The following NEGR1 variants were observed in gnomAD, a reference collection of about 807,000 sequenced individuals.
NEGR1 encodes the protein neuronal growth regulator 1, also known as IgLON family member 4.
A neutral mutation model predicts 40.9 loss-of-function variants in NEGR1; 10 were observed. The ratio of observed to expected loss-of-function variants is 0.24; its 90% CI spans 0.15 to 0.42. The LOEUF is 0.42. Among genes scored for constraint, NEGR1 ranks in the 10% least tolerant of loss-of-function variants. The pLI, the probability that NEGR1 is intolerant of heterozygous loss-of-function variation, is 1.00. For missense variants in NEGR1, 352 were observed against 438.9 expected, an observed-to-expected ratio of 0.80 and a Z score of 1.77; for synonymous variants, 185 against 166.8, an observed-to-expected ratio of 1.11 and a Z score of -0.84.
intron 6 of NEGR1, among the ~76,000 whole-genome samples, chr1:71,448,380 A>G (rs545193222): frequency 3.9e-5 from 6 of 152,016 alleles, no homozygotes; most frequent in African/African-American, 7.2e-5. Context: ...GGGTGGATCA[A>G]TTGAGGTCAG....
In NEGR1 at chr1:71,951,712, T is replaced by C. The variant is rs1646072108; in HGVS notation, c.177-16401A>G. On this transcript the variant is annotated intron_variant, in intron 1 of 6. Coordinates refer to ENST00000357731, the MANE Select transcript of NEGR1 (RefSeq NM_173808.3). ...ACAGGCATACCTCATTTTATTGCAC[T>C]TCATAGATATTCTGCTTTTTACAAG... Among the ~76,000 whole-genome samples the C allele has an allele frequency of 2.0e-5, 3 of 151,932 alleles. No homozygotes were observed. In the Admixed American group the frequency reaches 2.0e-4, roughly 10 times the overall value.
At chr1:72,099,569 T>A (rs1174019225) in intron 1 of NEGR1, among the ~76,000 whole-genome samples, 1 of 151,938 alleles carries the variant, frequency 6.6e-6, no homozygotes, top group Non-Finnish European at 1.5e-5. Context: ...TAGTACAGAG[T>A]AAATGACTTA....
chr1:71,912,359 T>A (rs1342854729), intron 2 of NEGR1, among the ~76,000 whole-genome samples: 1 of 152,230 alleles, frequency 6.6e-6, no homozygotes, highest in East Asian at 1.9e-4. Context: ...CTTCTACTTA[T>A]AATAACCCTC....
intron 6 of NEGR1, among the ~76,000 whole-genome samples, chr1:71,436,998 A>G (rs1456990759): frequency 1.3e-5 from 2 of 152,132 alleles, no homozygotes; most frequent in East Asian, 3.8e-4. Context: ...CATGTTGTTC[A>G]AGTGCCAATG....
chr1:71,851,341 G>A (rs532169923), intron 2 of NEGR1, among the ~76,000 whole-genome samples: 232 of 152,164 alleles, frequency 1.5e-3, no homozygotes, highest in Non-Finnish European at 2.7e-3. Flanking sequence ...TTACTGAACA[G>A]TTTTGATGCC....
At chr1:71,411,887 G>C (rs1646324208) in intron 6 of NEGR1, among the ~76,000 whole-genome samples, 1 of 152,076 alleles carries the variant, frequency 6.6e-6, no homozygotes, top group Non-Finnish European at 1.5e-5. Flanking sequence ...TGTAGTCCCA[G>C]CTACTCAGGA....
At chr1:72,222,874 C>T (rs1654059314) in intron 1 of NEGR1, among the ~76,000 whole-genome samples, 1 of 152,130 alleles carries the variant, frequency 6.6e-6, no homozygotes, top group Admixed American at 6.6e-5. Context: ...AGACTTGAGT[C>T]ATTCCCAACC....
intron 1 of NEGR1, among the ~76,000 whole-genome samples, chr1:72,117,034 T>C (rs1649607267): frequency 6.6e-6 from 1 of 151,918 alleles, no homozygotes; most frequent in Admixed American, 6.6e-5. Flanking sequence ...TAGTTTTCTG[T>C]GAGCTTTGGC....
intron 5 of NEGR1, among the ~76,000 whole-genome samples, chr1:71,599,489 A>T (rs1030512203): frequency 2.6e-5 from 4 of 152,184 alleles, no homozygotes; most frequent in Non-Finnish European, 4.4e-5. Context: ...CCAGAGAGAA[A>T]CGAAAATTTA....
chr1:71,660,390 C>G (rs2101589894), intron 4 of NEGR1, among the ~76,000 whole-genome samples: 1 of 152,070 alleles, frequency 6.6e-6, no homozygotes, highest in South Asian at 2.1e-4. Context: ...AGCTTAATAC[C>G]TGGGTGATGA....
chr1:71,416,289 T>C (rs1031902538), intron 6 of NEGR1, among the ~76,000 whole-genome samples: 2 of 152,190 alleles, frequency 1.3e-5, no homozygotes, highest in African/African-American at 4.8e-5. Flanking sequence ...AGTTTCATGA[T>C]CAGGTTTTCT....
intron 6 of NEGR1, among the ~76,000 whole-genome samples, chr1:71,441,206 G>A (rs765016138): frequency 1.3e-5 from 2 of 152,172 alleles, no homozygotes; most frequent in Non-Finnish European, 2.9e-5. Context: ...GTCAACAATC[G>A]CTCCAAAGTG....
chr1:72,075,922 T>G (rs952556638), intron 1 of NEGR1, among the ~76,000 whole-genome samples: 11 of 152,180 alleles, frequency 7.2e-5, no homozygotes, highest in African/African-American at 1.4e-4. Flanking sequence ...TCTGGGTGGT[T>G]GTTGTTGATT....
intron 5 of NEGR1, among the ~76,000 whole-genome samples, chr1:71,599,223 C>G (rs1435409786): frequency 5.3e-5 from 8 of 152,028 alleles, no homozygotes; most frequent in Non-Finnish European, 1.2e-4. Context: ...TGTTATTGTT[C>G]AATGATAGAG....
chr1:72,197,693 TATA>T (rs1653049492), intron 1 of NEGR1, among the ~76,000 whole-genome samples: 1 of 151,968 alleles, frequency 6.6e-6, no homozygotes, highest in Non-Finnish European at 1.5e-5. Context: ...TTCTCTTTCA[TATA>T]ATATTACAAC....
At chr1:72,086,824 T>C (rs1036300015) in intron 1 of NEGR1, among the ~76,000 whole-genome samples, 1 of 152,174 alleles carries the variant, frequency 6.6e-6, no homozygotes, top group East Asian at 1.9e-4. Flanking sequence ...TTTAAAGTAT[T>C]TATTAATCAT....
chr1:71,851,696 C>T (rs931556929), intron 2 of NEGR1, among the ~76,000 whole-genome samples: 1 of 152,004 alleles, frequency 6.6e-6, no homozygotes, highest in African/African-American at 2.4e-5. Context: ...GCAAGAGAAT[C>T]ATTACAGAAA....
chr1:72,043,039 A>G (rs1569868015), intron 1 of NEGR1, among the ~76,000 whole-genome samples: 1 of 151,972 alleles, frequency 6.6e-6, no homozygotes, highest in Non-Finnish European at 1.5e-5. Flanking sequence ...AGGGGGTGGG[A>G]GTGGCATAGC....
chr1:71,869,883 C>CTT (rs140029802), intron 2 of NEGR1, among the ~76,000 whole-genome samples: 26 of 136,062 alleles, frequency 1.9e-4, no homozygotes, highest in South Asian at 9.3e-4. Flanking sequence ...TTCTTTCTTT[C>CTT]TTTTTTTTTT....
Sources: gnomAD v4.1 joint callset for allele counts (sites outside exome capture counted in the v4.1 genomes callset) on GRCh38, gnomAD v4.1.1 for gene constraint, MANE v1.5 for transcripts, NCBI Gene and HGNC (gene_info 2026-07-23, HGNC 2026-07-21) for gene names.